SSH1: variants seen among roughly 807,000 people sequenced by gnomAD.
SSH1 encodes protein phosphatase Slingshot homolog 1.
Under a neutral mutation model 79.7 loss-of-function variants are expected in SSH1, and 43 were observed. The observed-to-expected ratio is 0.54, with a 90% CI of 0.42 to 0.70. The LOEUF is 0.70. Among genes scored for constraint, SSH1 ranks in the 30% least tolerant of loss-of-function variants. The pLI is 0.00. For synonymous variants in SSH1, 599 were observed against 538.3 expected (o/e 1.11, Z -1.56); for missense variants, 1,206 against 1,358.8 (o/e 0.89, Z 1.77).
At chr12:108,811,235 G>T in intron 6 of SSH1, 25 bp downstream of exon 6, 3 of 1,611,330 alleles carry the variant, frequency 1.9e-6, no homozygotes, top group Non-Finnish European at 2.5e-6. Flanking sequence ...TACAGTGAGA[G>T]AATCTTTTAA....
At chr12:108,826,059 A>C in intron 2 of SSH1, 1 of 435,376 alleles carries the variant, frequency 2.3e-6, no homozygotes, top group South Asian at 1.7e-5. Flanking sequence ...AGACAACATC[A>C]ACTGCTTTTG....
intron 1 of SSH1, among the ~76,000 whole-genome samples, chr12:108,853,850 G>A (rs963562505): frequency 6.6e-6 from 1 of 152,014 alleles, no homozygotes; most frequent in Non-Finnish European, 1.5e-5. Flanking sequence ...CTTGAACCCA[G>A]GAGGCGGAGG....
At chr12:108,803,262 T>G (rs554039320) in intron 10 of SSH1, among the ~76,000 whole-genome samples, 2 of 152,276 alleles carry the variant, frequency 1.3e-5, no homozygotes, top group Admixed American at 1.3e-4. Flanking sequence ...GATTTATTTC[T>G]ATTTTCAGAC....
chr12:108,843,285 C>CT, intron 2 of SSH1, among the ~76,000 whole-genome samples: 1 of 152,114 alleles, frequency 6.6e-6, no homozygotes. Flanking sequence ...TTTCTCTGTC[C>CT]TTTGTTTCCT....
At chr12:108,822,614 G>A (rs577502332) in intron 3 of SSH1, among the ~76,000 whole-genome samples, 3 of 152,144 alleles carry the variant, frequency 2.0e-5, no homozygotes, top group African/African-American at 2.4e-5. Context: ...GCAGGGCCAC[G>A]CAAGCATTTC....
chr12:108,852,224 A>G (rs2039054252), intron 2 of SSH1, among the ~76,000 whole-genome samples: 1 of 151,730 alleles, frequency 6.6e-6, no homozygotes, highest in Non-Finnish European at 1.5e-5. Flanking sequence ...AAAGCACTAA[A>G]AAATTGGCAT....
intron 1 of SSH1, 147 bp from the exon 2 acceptor site, chr12:108,852,825 C>T: frequency 6.4e-7 from 1 of 1,551,298 alleles, no homozygotes; most frequent in Non-Finnish European, 8.7e-7. Flanking sequence ...GCCCTTTCCT[C>T]ACCAATCCCG....
intron 13 of SSH1, among the ~76,000 whole-genome samples, chr12:108,794,314 C>T (rs534649344): frequency 4.1e-4 from 63 of 152,332 alleles, no homozygotes; most frequent in South Asian, 1.4e-3. Flanking sequence ...TGAGGACCTC[C>T]CCCACCACCC....
intron 7 of SSH1, 57 bp downstream of exon 7, chr12:108,809,636 T>C (rs2037474364): frequency 6.8e-7 from 1 of 1,472,914 alleles, no homozygotes; most frequent in South Asian, 1.1e-5. Flanking sequence ...TTTCTATTCA[T>C]GCTGTCGGCT....
chr12:108,801,281 C>T (rs1031931038), intron 11 of SSH1, among the ~76,000 whole-genome samples: 3 of 152,194 alleles, frequency 2.0e-5, no homozygotes, highest in Admixed American at 1.3e-4. Context: ...CCAGTGTCTT[C>T]ACTCTTAAAG....
chr12:108,853,314 G>C (rs933463653), intron 1 of SSH1: 2 of 985,076 alleles, frequency 2.0e-6, no homozygotes, highest in Non-Finnish European at 2.4e-6. Flanking sequence ...CACGAGTTTG[G>C]GCTCCAGAAG....
At chr12:108,840,258 G>A (rs1026305095) in intron 2 of SSH1, among the ~76,000 whole-genome samples, 3 of 152,014 alleles carry the variant, frequency 2.0e-5, no homozygotes, top group African/African-American at 2.4e-5. Context: ...GGGGCTGGGC[G>A]CAGTGGCTCA....
chr12:108,788,790 A>C lies in SSH1; in HGVS notation c.2348T>G (p.Met783Arg), dbSNP rs1380260679. 1.9e-6 allele frequency: 3 copies of C among 1,614,136 alleles called. No individual in the cohort carries two copies. Among genetic ancestry groups the C allele is most frequent in the African/African-American group, 1.3e-5 (1 of 74,946 alleles). ...AAGCCTCAGGTCCTTGGCTGGCTTCATATCTTTCTTGGGTGACGATTCTTC... is the reference window on the plus strand; with the variant it reads ...AAGCCTCAGGTCCTTGGCTGGCTTCCTATCTTTCTTGGGTGACGATTCTTC... ...IKEESSPKKDMKPAKDLRLLF... is the reference protein window; with the variant it reads ...IKEESSPKKDRKPAKDLRLLF... The change falls in exon 15 of 15, where the codon ATG (methionine) becomes AGG (arginine). Residue 783 changes from methionine (M) to arginine (R), a missense_variant. Transcript: ENST00000326495.
chr12:108,794,065 G>C (rs2136993808), intron 13 of SSH1, among the ~76,000 whole-genome samples: 1 of 152,320 alleles, frequency 6.6e-6, no homozygotes, highest in South Asian at 2.1e-4. Flanking sequence ...GACAGTGAAG[G>C]AGTCCACAGT....
rs1303505361 is a variant in SSH1 at position 108,785,988 on chromosome 12, ATAAAG to A, written c.*1995_*1999del. On this transcript the variant is annotated 3_prime_UTR_variant, in exon 15 of 15. Coordinates refer to ENST00000326495, the MANE Select transcript of SSH1 (RefSeq NM_018984.4). ...GACACTAGTGGGAAAACAGCTCCCT[ATAAAG>A]TAATGTATGTATTTTTAAAAATCAC... 8 of 152,318 alleles carry A rather than the reference ATAAAG, an allele frequency of 5.3e-5. 1 individual carries two copies. Among genetic ancestry groups the A allele is most frequent in the South Asian group, 4.1e-4 (2 of 4,824 alleles). The allele number at this position is 152,318 out of a possible 1,614,324, so 9.4% of individuals were successfully genotyped here. A position where few individuals can be genotyped will look rare whatever the true frequency, so the allele number is the denominator to read the frequency against.
intron 2 of SSH1, among the ~76,000 whole-genome samples, chr12:108,831,282 C>T (rs889096641): frequency 3.9e-5 from 6 of 152,080 alleles, no homozygotes; most frequent in African/African-American, 1.4e-4. Context: ...AATTGTCCAG[C>T]GAACTTGATG....
At position 108,841,736 on chromosome 12, in the gene SSH1, G is replaced by A. The variant is rs1288769199; in HGVS notation, c.110+10902C>T. Among the ~76,000 whole-genome samples, 4 of 152,244 alleles carry A rather than the reference G, an allele frequency of 2.6e-5. No homozygotes were observed. In the East Asian group the frequency reaches 7.7e-4, roughly 29 times the overall value. On this transcript the variant is annotated intron_variant, in intron 2 of 14. Coordinates refer to ENST00000326495, the MANE Select transcript of SSH1 (RefSeq NM_018984.4). ...AGGCAGGAGAATCACTGGAACCCTG[G>A]AGGCAGAGGTTGCAGTGAGCCAAGA...
At chr12:108,852,886 T>C in intron 1 of SSH1, 2 of 985,474 alleles carry the variant, frequency 2.0e-6, no homozygotes, top group South Asian at 4.7e-5. Flanking sequence ...TTTCCAAATG[T>C]TGACCCACAT....
At chr12:108,827,551 A>G in intron 2 of SSH1, 1 of 1,279,218 alleles carries the variant, frequency 7.8e-7, no homozygotes. Flanking sequence ...TGGCTGAAAA[A>G]GGCCCTTGTC....
Sources: allele counts gnomAD v4.1 joint callset (sites outside exome capture counted in the v4.1 genomes callset), GRCh38; gene constraint gnomAD v4.1.1; transcripts MANE v1.5; gene names NCBI Gene and HGNC (gene_info 2026-07-23, HGNC 2026-07-21).